Variants in IRS2 observed in about 807,000 individuals in gnomAD.
IRS2 encodes the protein insulin receptor substrate 2.
A neutral mutation model predicts 70.9 loss-of-function variants in IRS2; 28 were observed. The ratio of observed to expected loss-of-function variants is 0.39; its 90% CI spans 0.29 to 0.54. The LOEUF is 0.54. Among genes scored for constraint, IRS2 ranks in the 20% least tolerant of loss-of-function variants. The pLI, the probability that IRS2 is intolerant of heterozygous loss-of-function variation, is 0.59. For missense variants in IRS2, 2,081 were observed against 2,024.1 expected, an observed-to-expected ratio of 1.03 and a Z score of -0.54; for synonymous variants, 1,217 against 981.9, an observed-to-expected ratio of 1.24 and a Z score of -4.48.
Position 109,755,009 on chromosome 13 carries a change from C to T in IRS2, c.*1295G>A, listed in dbSNP as rs981815276. The T allele has an allele frequency of 1.8e-5, 4 of 226,702 alleles. No homozygotes were observed. Among genetic ancestry groups the T allele is most frequent in the Non-Finnish European group, 2.6e-5 (3 of 114,126 alleles). 14.0% of individuals were successfully genotyped at this position (226,702 alleles called of 1,614,324 possible). A position where few individuals can be genotyped will look rare whatever the true frequency, so the allele number is the denominator to read the frequency against. On this transcript the variant is annotated 3_prime_UTR_variant, in exon 2 of 2. Transcript: ENST00000375856. ...AGCAGAAAACGGCAGAACATTCTGC[C>T]GGTCAAGTTCAGCAGTTTTAGGTAA...
intron 1 of IRS2, 76 bp from the exon 2 acceptor site, chr13:109,756,384 C>T: frequency 7.3e-6 from 9 of 1,234,586 alleles, no homozygotes; most frequent in South Asian, 3.6e-5. Flanking sequence ...GAAAGGGCCC[C>T]TCTAACCCAC....
chr13:109,772,722 T>C, intron 1 of IRS2, among the ~76,000 whole-genome samples: 1 of 144,374 alleles, frequency 6.9e-6, no homozygotes. Flanking sequence ...GGAGTCTCGC[T>C]CTGTCGGCCA....
At chr13:109,779,961 G>T (rs1464491550) in intron 1 of IRS2, among the ~76,000 whole-genome samples, 2 of 152,110 alleles carry the variant, frequency 1.3e-5, no homozygotes, top group South Asian at 2.1e-4. Flanking sequence ...GCCTGAAAAG[G>T]GCATTATTTC....
At chr13:109,762,647 T>A (rs999027638) in intron 1 of IRS2, among the ~76,000 whole-genome samples, 1 of 152,150 alleles carries the variant, frequency 6.6e-6, no homozygotes, top group African/African-American at 2.4e-5. Context: ...TGTGAGTCGA[T>A]GAGGGTGTGC....
At chr13:109,779,990 TG>T (rs1184537642) in intron 1 of IRS2, among the ~76,000 whole-genome samples, 2 of 152,216 alleles carry the variant, frequency 1.3e-5, no homozygotes, top group Non-Finnish European at 2.9e-5. Context: ...ACCCCAATTC[TG>T]AATGTATCGG....
chr13:109,764,162 A>G (rs1877286648), intron 1 of IRS2, among the ~76,000 whole-genome samples: 2 of 152,232 alleles, frequency 1.3e-5, no homozygotes, highest in Admixed American at 1.3e-4. Flanking sequence ...CTAATCGGCC[A>G]TATCAAAAAC....
rs1877778767 is a variant in IRS2 at position 109,783,218 on chromosome 13, A to G, written c.2836T>C (p.Ser946Pro). The change falls in exon 1 of 2, where the codon TCC becomes CCC. Residue 946 changes from serine (S) to proline (P), a missense_variant. Physicochemically the swap from Ser to Pro is moderately conservative, Grantham distance 74 (BLOSUM62 -1). This residue lies in a region of IRS2 where 1,615 missense variants were observed against 1,459.5 expected (regional missense o/e 1.11). Transcript: ENST00000375856. ...PPLLASAASSSSLLSASSPAS... is the reference protein window; with the variant it reads ...PPLLASAASSPSLLSASSPAS... Reference sequence around the variant, plus strand: ...GGGCTGCTGGCGGACAAGAGCGAGGAGGACGAGGCCGCCGACGCCAGCAGG... The same window carrying G: ...GGGCTGCTGGCGGACAAGAGCGAGGGGGACGAGGCCGCCGACGCCAGCAGG... The G allele has an allele frequency of 3.5e-6, 5 of 1,430,758 alleles. No individual in the cohort carries two copies. Among genetic ancestry groups the G allele is most frequent in the Non-Finnish European group, 4.6e-6 (5 of 1,095,628 alleles). 88.6% of individuals were successfully genotyped at this position (1,430,758 alleles called of 1,614,324 possible).
At chr13:109,760,580 C>T (rs1566404959) in intron 1 of IRS2, among the ~76,000 whole-genome samples, 1 of 152,234 alleles carries the variant, frequency 6.6e-6, no homozygotes, top group Non-Finnish European at 1.5e-5. Context: ...CTCCTTTCTG[C>T]TGTCGCTTGT....
intron 1 of IRS2, among the ~76,000 whole-genome samples, chr13:109,767,450 C>T (rs890558479): frequency 4.6e-5 from 7 of 152,134 alleles, no homozygotes; most frequent in Non-Finnish European, 8.8e-5. Flanking sequence ...ATTTCCTACA[C>T]GAAAAGGAAG....
chr13:109,782,643 G>A lies in IRS2; in HGVS notation c.3411C>T (p.Arg1137=). 2.5e-6 allele frequency: 4 copies of A among 1,571,608 alleles called. No homozygotes were observed. The highest frequency in any genetic ancestry group is 1.3e-5 in the African/African-American group (1 of 74,176). The part of the protein sequence containing the change: ...PDPHRGAKVI[R]ADPQGGRRRH... ...GGCGGCGGCCCCCCTGCGGGTCTGC[G>A]CGGATGACCTTGGCGCCGCGGTGGG... Residue 1137 remains arginine (R), a synonymous_variant, in exon 1 of 2, where the codon CGC becomes CGT. Coordinates refer to ENST00000375856, the MANE Select transcript of IRS2 (RefSeq NM_003749.3).
intron 1 of IRS2, among the ~76,000 whole-genome samples, chr13:109,768,731 A>G (rs1877389652): frequency 6.6e-6 from 1 of 151,740 alleles, no homozygotes; most frequent in Non-Finnish European, 1.5e-5. Flanking sequence ...TTTTTAAATG[A>G]CGGCTGTGTG....
chr13:109,781,662 A>G (rs902685290), intron 1 of IRS2, among the ~76,000 whole-genome samples: 2 of 152,132 alleles, frequency 1.3e-5, no homozygotes, highest in South Asian at 4.1e-4. Flanking sequence ...AGGTCCTTCC[A>G]GAAGGACGGA....
rs984894896 is a variant in IRS2 at position 109,754,077 on chromosome 13, G to A, written c.*2227C>T. 1.3e-5 allele frequency: 3 copies of A among 231,024 alleles called. No homozygotes were observed. The highest frequency in any genetic ancestry group is 4.4e-5 in the African/African-American group (2 of 45,198). 14.3% of individuals were successfully genotyped at this position (231,024 alleles called of 1,614,324 possible). ...ACATCTTGATATCCAGAAACAATAC[G>A]TACCCAAAAAGAAAACACTGTTTAA... On this transcript the variant is annotated 3_prime_UTR_variant, in exon 2 of 2. Transcript: ENST00000375856.
At chr13:109,763,493 T>TTCCTTTA (rs1877271657) in intron 1 of IRS2, among the ~76,000 whole-genome samples, 2 of 152,262 alleles carry the variant, frequency 1.3e-5, no homozygotes, top group Admixed American at 1.3e-4. Context: ...AAATACATCC[T>TTCCTTTA]ACACTAGCAT....
Position 109,785,610 on chromosome 13 carries a change from C to A in IRS2, c.444G>T (p.Ala148=), listed in dbSNP as rs1475073917. 1.7e-5 allele frequency: 23 copies of A among 1,376,492 alleles called. 1 individual carries two copies. The South Asian group carries it at 4.0e-4, about 24-fold the overall frequency. The allele number at this position is 1,376,492 out of a possible 1,614,324, so 85.3% of individuals were successfully genotyped here. ...CGGCGGGGGGCGCGTCTCCGGCGGC[C>A]GCGCGGCCCTCGCTGACCAGGTCGG... The part of the protein sequence containing the change: ...ALTDLVSEGR[A]AAGDAPPAAA... Residue 148 remains alanine, a synonymous_variant, in exon 1 of 2, where the codon GCG becomes GCT. Transcript: ENST00000375856. The surrounding 1 kb of genome is among the most constrained non-coding windows in gnomAD (Gnocchi z 9.3).
At chr13:109,765,369 G>C (rs1298151561) in intron 1 of IRS2, among the ~76,000 whole-genome samples, 3 of 152,160 alleles carry the variant, frequency 2.0e-5, no homozygotes, top group Non-Finnish European at 4.4e-5. Flanking sequence ...AGGATGTGGA[G>C]ACAGAGGAAA....
chr13:109,782,149 G>T lies in IRS2; in HGVS notation c.3905C>A (p.Thr1302Asn). The T allele has an allele frequency of 6.2e-7, 1 of 1,607,096 alleles. No homozygotes were observed. The highest frequency in any genetic ancestry group is 8.5e-7 in the Non-Finnish European group (1 of 1,177,368). Residue 1302 changes from threonine (T) to asparagine (N), a missense_variant, in exon 1 of 2, where the codon ACC becomes AAC. Coordinates refer to ENST00000375856, the MANE Select transcript of IRS2 (RefSeq NM_003749.3). ...ACCCGGCCCCCCGCACCCGCCGCCG[G>T]TGCTGCCGACGCCCACAGCGCTGAT... Reference protein sequence around the residue: ...GLISAVGVGSTGGGCGGPGPG... With the variant: ...GLISAVGVGSNGGGCGGPGPG...
chr13:109,783,588 C>A lies in IRS2; in HGVS notation c.2466G>T (p.Gln822His), dbSNP rs767832920. 3.2e-6 allele frequency: 5 copies of A among 1,547,018 alleles called. No individual in the cohort carries two copies. Among genetic ancestry groups the A allele is most frequent in the Non-Finnish European group, 4.4e-6 (5 of 1,144,502 alleles). Residue 822 changes from glutamine to histidine, a missense_variant, in exon 1 of 2, where the codon CAG (glutamine) becomes CAT (histidine). This residue lies in a region of IRS2 where 1,615 missense variants were observed against 1,459.5 expected (regional missense o/e 1.11). Transcript: ENST00000375856. ...APYTCGGDSD[Q>H]YVLMSSPVGR... The stretch of plus-strand genomic sequence containing the variant: ...CCACGGGGGAGCTCATGAGCACGTA[C>A]TGGTCGCTGTCCCCGCCACAGGTGT...
At position 109,782,856 on chromosome 13, in the gene IRS2, G is replaced by A. The variant is rs986400947; in HGVS notation, c.3198C>T (p.Thr1066=). 13 of 1,579,688 alleles carry A rather than the reference G, an allele frequency of 8.2e-6. No homozygotes were observed. The highest frequency in any genetic ancestry group is 1.2e-5 in the South Asian group (1 of 86,654). ...TCTCGGTGTAGTCACCATTGTCCCC[G>A]GTGTCCGAGGACAACGATGAGGCGG... ...PGAASSLSSD[T]GDNGDYTEMA... The change falls in exon 1 of 2, where the codon ACC becomes ACT. Residue 1066 remains threonine, a synonymous_variant. Coordinates refer to ENST00000375856, the MANE Select transcript of IRS2 (RefSeq NM_003749.3).
Sources: allele counts gnomAD v4.1 joint callset (sites outside exome capture counted in the v4.1 genomes callset), GRCh38; gene constraint gnomAD v4.1.1; regional missense constraint gnomAD v4.1.1; non-coding constraint Gnocchi (gnomAD v3.1); transcripts MANE v1.5; gene names NCBI Gene and HGNC (gene_info 2026-07-23, HGNC 2026-07-21).